The following SEMA5A variants were observed in gnomAD, a reference collection of about 807,000 sequenced individuals.
SEMA5A encodes semaphorin-5A.
Under a neutral mutation model 135.5 loss-of-function variants are expected in SEMA5A, and 55 were observed. The ratio of observed to expected loss-of-function variants is 0.41; its 90% CI spans 0.33 to 0.51. The LOEUF is 0.51. SEMA5A is among the 20% of genes least tolerant of loss of function. The pLI is 0.37. For missense variants in SEMA5A, 1,290 were observed against 1,419.9 expected, an observed-to-expected ratio of 0.91 and a Z score of 1.47; for synonymous variants, 580 against 546.5, an observed-to-expected ratio of 1.06 and a Z score of -0.85.
chr5:9,466,474 T>C (rs918868715), intron 1 of SEMA5A, among the ~76,000 whole-genome samples: 3 of 151,924 alleles, frequency 2.0e-5, no homozygotes, highest in South Asian at 4.2e-4. Flanking sequence ...AGAAGGGCTA[T>C]TGAAGGGCTA....
At chr5:9,358,835 C>T (rs17196614) in intron 3 of SEMA5A, among the ~76,000 whole-genome samples, 4,818 of 152,260 alleles carry the variant, frequency 0.032, 114 homozygotes, top group Non-Finnish European at 0.049. Context: ...GTCCTCTATG[C>T]TATGACAAAT....
intron 3 of SEMA5A, among the ~76,000 whole-genome samples, chr5:9,353,719 T>C (rs1291410919): frequency 1.3e-5 from 2 of 152,148 alleles, no homozygotes; most frequent in African/African-American, 2.4e-5. Flanking sequence ...ATTACCCTCT[T>C]CACAAGTTGA....
At chr5:9,181,451 C>T (rs1156862616) in intron 11 of SEMA5A, among the ~76,000 whole-genome samples, 1 of 152,122 alleles carries the variant, frequency 6.6e-6, no homozygotes, top group Non-Finnish European at 1.5e-5. Flanking sequence ...CTGTTGTTGC[C>T]TTTCTCACTT....
At chr5:9,528,000 A>G (rs868083815) in intron 1 of SEMA5A, among the ~76,000 whole-genome samples, 8 of 152,340 alleles carry the variant, frequency 5.3e-5, no homozygotes, top group Middle Eastern at 3.4e-3. Context: ...CCTATTTTGT[A>G]ATTTGTAAAT....
intron 10 of SEMA5A, among the ~76,000 whole-genome samples, chr5:9,191,256 G>A (rs1745097212): frequency 1.3e-5 from 2 of 152,110 alleles, no homozygotes; most frequent in African/African-American, 2.4e-5. Context: ...ATATGCAAGG[G>A]GAAATTCAGC....
intron 8 of SEMA5A, among the ~76,000 whole-genome samples, chr5:9,217,471 G>GCA (rs2150399928): frequency 1.3e-5 from 2 of 152,104 alleles, no homozygotes; most frequent in Non-Finnish European, 2.9e-5. Context: ...GTGTGACTTG[G>GCA]GGATGATCTT....
At chr5:9,180,973 C>T (rs778489036) in intron 11 of SEMA5A, among the ~76,000 whole-genome samples, 1 of 152,132 alleles carries the variant, frequency 6.6e-6, no homozygotes, top group Admixed American at 6.5e-5. Flanking sequence ...AGCAAGCAAC[C>T]ATAAAAAGAT....
intron 3 of SEMA5A, among the ~76,000 whole-genome samples, chr5:9,361,880 G>C (rs1046672227): frequency 3.3e-5 from 5 of 152,144 alleles, no homozygotes; most frequent in African/African-American, 1.2e-4. Context: ...CCAAGAAGCT[G>C]TGTTTACAAG....
rs10070262 is a variant in SEMA5A, at chr5:9,441,149, A to G, written c.-174-3297T>C. On this transcript the variant is annotated intron_variant, in intron 1 of 22. Transcript: ENST00000382496. ...CACACATGGTGGATGCTTAGAAGACAAAACAAGAACCTATTACACTCTCAG... is the reference window on the plus strand; with the variant it reads ...CACACATGGTGGATGCTTAGAAGACGAAACAAGAACCTATTACACTCTCAG... 4.1e-3 allele frequency among the ~76,000 whole-genome samples: 632 copies of G among 152,348 alleles called. 3 individuals carry two copies. The highest frequency in any genetic ancestry group is 0.015 in the African/African-American group (606 of 41,590).
chr5:9,487,962 G>T (rs1224541590), intron 1 of SEMA5A, among the ~76,000 whole-genome samples: 1 of 152,040 alleles, frequency 6.6e-6, no homozygotes, highest in Non-Finnish European at 1.5e-5. Flanking sequence ...CAAAAATGTG[G>T]ACTAATTTTA....
intron 4 of SEMA5A, among the ~76,000 whole-genome samples, chr5:9,330,585 T>C (rs936319825): frequency 6.6e-6 from 1 of 152,104 alleles, no homozygotes; most frequent in African/African-American, 2.4e-5. Context: ...ATCTTAATTT[T>C]GAACAAATGT....
At chr5:9,115,863 G>A (rs1251604414) in intron 15 of SEMA5A, among the ~76,000 whole-genome samples, 1 of 152,116 alleles carries the variant, frequency 6.6e-6, no homozygotes, top group Non-Finnish European at 1.5e-5. Context: ...ACAGAATATG[G>A]CAAAGGGGTG....
chr5:9,408,207 C>T (rs1373532582), intron 2 of SEMA5A, among the ~76,000 whole-genome samples: 2 of 152,158 alleles, frequency 1.3e-5, no homozygotes, highest in Non-Finnish European at 2.9e-5. Flanking sequence ...ACCATCACCA[C>T]CACCACCACT....
intron 1 of SEMA5A, among the ~76,000 whole-genome samples, chr5:9,454,296 G>T (rs145308040): frequency 1.3e-5 from 2 of 152,170 alleles, no homozygotes; most frequent in Admixed American, 6.5e-5. Context: ...ATCAGATAAT[G>T]ATCTTTGTTC....
At chr5:9,384,709 T>C (rs71597582) in intron 2 of SEMA5A, among the ~76,000 whole-genome samples, 4,694 of 127,480 alleles carry the variant, frequency 0.037, 319 homozygotes, top group Non-Finnish European at 0.057. Flanking sequence ...GATAGATAGA[T>C]AGATAGACAG....
At chr5:9,106,391 A>C (rs1271312355) in intron 16 of SEMA5A, among the ~76,000 whole-genome samples, 1 of 152,340 alleles carries the variant, frequency 6.6e-6, no homozygotes, top group South Asian at 2.1e-4. Context: ...ACTACATAAA[A>C]ATGCTACATT....
intron 14 of SEMA5A, among the ~76,000 whole-genome samples, chr5:9,119,558 A>T (rs1288586226): frequency 6.6e-6 from 1 of 152,176 alleles, no homozygotes; most frequent in African/African-American, 2.4e-5. Flanking sequence ...TGAGAAGTGC[A>T]CCTTTGGACA....
chr5:9,390,650 A>G (rs1756119836), intron 2 of SEMA5A, among the ~76,000 whole-genome samples: 1 of 152,132 alleles, frequency 6.6e-6, no homozygotes, highest in African/African-American at 2.4e-5. Flanking sequence ...GATACCTTTG[A>G]GTTAATTAGA....
chr5:9,116,113 G>A (rs1290838059), intron 15 of SEMA5A, among the ~76,000 whole-genome samples: 1 of 152,138 alleles, frequency 6.6e-6, no homozygotes, highest in East Asian at 1.9e-4. Context: ...CTTCCCCAGT[G>A]GAGCCTCAGA....
Sources: gnomAD v4.1 joint callset for allele counts (sites outside exome capture counted in the v4.1 genomes callset) on GRCh38, gnomAD v4.1.1 for gene constraint, MANE v1.5 for transcripts, NCBI Gene and HGNC (gene_info 2026-07-23, HGNC 2026-07-21) for gene names.